The following TMEM63C variants were observed in gnomAD, a reference collection of about 807,000 sequenced individuals.
The protein encoded by TMEM63C is transmembrane protein 63C, also known as osmosensitive cation channel TMEM63C.
In TMEM63C, 32 loss-of-function variants were observed where a neutral mutation model predicts 99.2. That is an observed-to-expected ratio of 0.32 (90% CI 0.24 to 0.43). The LOEUF (loss-of-function observed/expected upper bound fraction) is 0.43, where lower values mean the gene tolerates loss of function less well. Among genes scored for constraint, TMEM63C ranks in the 20% least tolerant of loss-of-function variants. The probability of loss-of-function intolerance (pLI) is 1.00; values close to 1 mark genes in which losing one functional copy is unlikely to be tolerated. For synonymous variants in TMEM63C, 376 were observed against 397.9 expected (o/e 0.94, Z 0.66); for missense variants, 826 against 1,053.0 (o/e 0.78, Z 2.98).
chr14:77,194,336 A>ATG (rs36201483), intron 1 of TMEM63C, among the ~76,000 whole-genome samples: 1,331 of 87,542 alleles, frequency 0.015, 24 homozygotes, highest in African/African-American at 0.069. Flanking sequence ...ATATATATAT[A>ATG]TGTGTGTGTG....
intron 2 of TMEM63C, among the ~76,000 whole-genome samples, chr14:77,214,468 G>A (rs1239769574): frequency 6.6e-6 from 1 of 151,962 alleles, no homozygotes; most frequent in Non-Finnish European, 1.5e-5. Context: ...CTCTCAGAGG[G>A]TGGTTCCTGC....
intron 1 of TMEM63C, among the ~76,000 whole-genome samples, chr14:77,213,146 C>T (rs1218190788): frequency 6.6e-6 from 1 of 152,182 alleles, no homozygotes; most frequent in Non-Finnish European, 1.5e-5. Flanking sequence ...TTTGCCAACA[C>T]GGGTGCCTCT....
chr14:77,221,466 CTCACGCCTCCCAT>C (rs1210227392), intron 5 of TMEM63C, among the ~76,000 whole-genome samples: 1 of 64,456 alleles, frequency 1.6e-5, no homozygotes. Flanking sequence ...TCCCCTCCCA[CTCACGCCTCCCAT>C]TCACGCCTCC....
At chr14:77,232,261 GTTATT>G (rs148249804) in intron 7 of TMEM63C, among the ~76,000 whole-genome samples, 9,760 of 152,014 alleles carry the variant, frequency 0.064, 409 homozygotes, top group Admixed American at 0.1. Context: ...TAGCTAATAT[GTTATT>G]TTATTTTATA....
chr14:77,242,820 C>G, intron 14 of TMEM63C, 83 bp from the exon 15 acceptor site: 1 of 1,536,212 alleles, frequency 6.5e-7, no homozygotes, highest in Non-Finnish European at 9.0e-7. Context: ...CAGGCTGGGT[C>G]CACAGCTGGC....
intron 12 of TMEM63C, among the ~76,000 whole-genome samples, chr14:77,240,057 C>A (rs1300087245): frequency 1.3e-5 from 2 of 152,194 alleles, no homozygotes; most frequent in African/African-American, 4.8e-5. Context: ...AGGACAGAAA[C>A]ATTTGAAGGC....
chr14:77,191,903 T>C (rs1486454352), intron 1 of TMEM63C, among the ~76,000 whole-genome samples: 1 of 152,214 alleles, frequency 6.6e-6, no homozygotes, highest in Non-Finnish European at 1.5e-5. Context: ...TTGAAAGGAG[T>C]ACTGAAATCT....
chr14:77,205,894 T>C (rs1888390737), intron 1 of TMEM63C, among the ~76,000 whole-genome samples: 2 of 152,210 alleles, frequency 1.3e-5, no homozygotes, highest in Non-Finnish European at 2.9e-5. Context: ...GCTAGCTGTA[T>C]GACCCTGGGC....
At chr14:77,252,810 C>T (rs932867538) in intron 22 of TMEM63C, among the ~76,000 whole-genome samples, 1 of 152,218 alleles carries the variant, frequency 6.6e-6, no homozygotes, top group Non-Finnish European at 1.5e-5. Context: ...CTTCTCCACG[C>T]CTGGCTGGAA....
At chr14:77,243,213 C>T (rs1010799983) in intron 15 of TMEM63C, among the ~76,000 whole-genome samples, 157 bp downstream of exon 15, 2 of 152,080 alleles carry the variant, frequency 1.3e-5, no homozygotes, top group Non-Finnish European at 2.9e-5. Context: ...CGGGGTAGGG[C>T]TTGCTTTGTT....
intron 9 of TMEM63C, 34 bp from the exon 10 acceptor site, chr14:77,238,660 G>C: frequency 4.5e-6 from 7 of 1,566,516 alleles, no homozygotes; most frequent in Non-Finnish European, 6.2e-6. Flanking sequence ...TGCAAGCACA[G>C]TCTTCTTTCT....
rs1019736410 is a variant in TMEM63C at position 77,226,329 on chromosome 14, C to T, written c.350+868C>T. ...AAAGCAGGAAGGCAGGGCATTGCACCGTGCATCCAGCAGCTCTTGAGAGCA... is the reference window on the plus strand; with the variant it reads ...AAAGCAGGAAGGCAGGGCATTGCACTGTGCATCCAGCAGCTCTTGAGAGCA... On this transcript the variant is annotated intron_variant, in intron 6 of 23. Transcript: ENST00000298351. Among the ~76,000 whole-genome samples the T allele has an allele frequency of 3.9e-5, 6 of 152,190 alleles. No individual in the cohort carries two copies. The South Asian group carries it at 1.0e-3, about 26-fold the overall frequency.
At chr14:77,220,702 A>G (rs1888676534) in intron 5 of TMEM63C, among the ~76,000 whole-genome samples, 1 of 152,058 alleles carries the variant, frequency 6.6e-6, no homozygotes, top group African/African-American at 2.4e-5. Context: ...GGAGAACGCC[A>G]CAGGAGGAGG....
chr14:77,199,251 C>A (rs1277130400), intron 1 of TMEM63C, among the ~76,000 whole-genome samples: 3 of 152,186 alleles, frequency 2.0e-5, no homozygotes, highest in Admixed American at 1.3e-4. Flanking sequence ...AGGCCAAATG[C>A]CTTTCATGAG....
intron 23 of TMEM63C, among the ~76,000 whole-genome samples, chr14:77,256,035 G>A (rs1352371728): frequency 6.6e-6 from 1 of 152,198 alleles, no homozygotes; most frequent in African/African-American, 2.4e-5. Flanking sequence ...CCAGGCATGG[G>A]GACCATTCCT....
Position 77,214,841 on chromosome 14 carries a change from G to T in TMEM63C, c.-14+1333G>T, listed in dbSNP as rs549497738. Among the ~76,000 whole-genome samples the T allele has an allele frequency of 6.6e-5, 10 of 151,252 alleles. No individual in the cohort carries two copies. In the South Asian group the frequency reaches 2.1e-3, roughly 32 times the overall value. On this transcript the variant is annotated intron_variant, in intron 2 of 23. Transcript: ENST00000298351. ...TTCAGCACCAAACATCCCACTTTCAGCATGCCACTCCCTCTGCTCTACACT... is the reference window on the plus strand; with the variant it reads ...TTCAGCACCAAACATCCCACTTTCATCATGCCACTCCCTCTGCTCTACACT...
At chr14:77,249,513 A>G in intron 21 of TMEM63C, 55 bp downstream of exon 21, 1 of 1,588,088 alleles carries the variant, frequency 6.3e-7, no homozygotes, top group Non-Finnish European at 8.6e-7. Flanking sequence ...CTGTTCTGTG[A>G]GTCCCTTAAC....
At chr14:77,197,491 C>T (rs1256455795) in intron 1 of TMEM63C, among the ~76,000 whole-genome samples, 3 of 152,226 alleles carry the variant, frequency 2.0e-5, no homozygotes, top group Admixed American at 6.5e-5. Flanking sequence ...TCTCTATGAA[C>T]TTCTGTCTCT....
At chr14:77,253,451 G>C in intron 23 of TMEM63C, 75 bp downstream of exon 23, 1 of 1,415,492 alleles carries the variant, frequency 7.1e-7, no homozygotes, top group Non-Finnish European at 9.8e-7. Flanking sequence ...GCATTGTGGG[G>C]GATGCCAGCT....
Sources: gnomAD v4.1 joint callset for allele counts (sites outside exome capture counted in the v4.1 genomes callset) on GRCh38, gnomAD v4.1.1 for gene constraint, MANE v1.5 for transcripts, NCBI Gene and HGNC (gene_info 2026-07-23, HGNC 2026-07-21) for gene names.